MAX: variants seen among roughly 807,000 people sequenced by gnomAD.
MAX encodes the protein MYC associated transcriptional regulator X, also known as protein max.
Under a neutral mutation model 22.3 loss-of-function variants are expected in MAX, and 3 were observed. That is an observed-to-expected ratio of 0.13 (90% confidence interval 0.06 to 0.35). The LOEUF (loss-of-function observed/expected upper bound fraction) is 0.35. Ranked by LOEUF, MAX falls within the 10% of genes least tolerant of loss-of-function variation. The pLI, the probability that MAX is intolerant of heterozygous loss-of-function variation, is 1.00. For synonymous variants in MAX, 72 were observed against 77.7 expected (o/e 0.93, Z 0.39); for missense variants, 119 against 209.4 (o/e 0.57, Z 2.66).
In MAX at chr14:65,047,519, C is replaced by A. The variant is rs557020541; in HGVS notation, c.172-41235G>T. Among the ~76,000 whole-genome samples, 2 of 152,202 alleles carry A rather than the reference C, an allele frequency of 1.3e-5. No individual in the cohort carries two copies. The highest frequency in any genetic ancestry group is 4.8e-5 in the African/African-American group (2 of 41,508). ...TTGGCAGAGATTAAAAAACTTGATA[C>A]CCTATGTTGGGGAGAGTGTGAGAAA... On this transcript the variant is annotated intron_variant, in intron 3 of 3. Coordinates refer to the MAX transcript ENST00000341653. This position sits in a 1 kb window ranked among gnomAD's most constrained non-coding sequence, Gnocchi z 5.2.
rs137940321 is a variant in MAX at position 65,096,671 on chromosome 14, G to T, written c.64-2856C>A. Among the ~76,000 whole-genome samples, 362 of 152,190 alleles carry T rather than the reference G, an allele frequency of 2.4e-3. 1 individual carries two copies. Among genetic ancestry groups the T allele is most frequent in the African/African-American group, 6.9e-3 (288 of 41,498 alleles). On this transcript the variant is annotated intron_variant, in intron 2 of 4. Coordinates refer to ENST00000358664, the MANE Select transcript of MAX (RefSeq NM_002382.5). ...GAAAAACTGGGTGAAGACTCCCAGT[G>T]TAAGGCATCTAATATCCTCCCCCAA...
chr14:65,099,702 A>G (rs202145812), intron 2 of MAX, among the ~76,000 whole-genome samples: 2 of 123,430 alleles, frequency 1.6e-5, no homozygotes, highest in African/African-American at 4.8e-5. Flanking sequence ...ACTTGCAGGG[A>G]AAAAAAAAGT....
intron 3 of MAX, chr14:65,061,244 C>A (rs369004788): frequency 1.6e-5 from 26 of 1,614,070 alleles, no homozygotes; most frequent in Non-Finnish European, 2.2e-5. Context: ...TACATACTTT[C>A]TACAGAAGCC....
intron 3 of MAX, among the ~76,000 whole-genome samples, chr14:65,041,680 G>T (rs1215118520): frequency 6.6e-6 from 1 of 152,160 alleles, no homozygotes; most frequent in African/African-American, 2.4e-5. Context: ...GTTGTACCCT[G>T]TAGACATGTA....
At position 65,054,348 on chromosome 14, in the gene MAX, C is replaced by T. The variant is rs572701377; in HGVS notation, c.171+39360G>A. Among the ~76,000 whole-genome samples, 2 of 151,912 alleles carry T rather than the reference C, an allele frequency of 1.3e-5. No homozygotes were observed. Among genetic ancestry groups the T allele is most frequent in the African/African-American group, 4.8e-5 (2 of 41,470 alleles). ...TTGGTTTTGAACTCCTGGCCTCAAA[C>T]CGTTCTCTTGCCTCAGCCTCCTGCT... On this transcript the variant is annotated intron_variant, in intron 3 of 3. Coordinates refer to the MAX transcript ENST00000341653. The surrounding 1 kb of genome is among the most constrained non-coding windows in gnomAD (Gnocchi z 4.4).
At chr14:65,063,041 G>A (rs1028211312) in intron 3 of MAX, among the ~76,000 whole-genome samples, 2 of 152,238 alleles carry the variant, frequency 1.3e-5, no homozygotes, top group Non-Finnish European at 2.9e-5. Context: ...CTGGAACTCT[G>A]TGGCCACTTG....
intron 3 of MAX, among the ~76,000 whole-genome samples, chr14:65,037,521 A>C (rs2062229425): frequency 7.4e-6 from 1 of 135,190 alleles, no homozygotes; most frequent in Non-Finnish European, 1.5e-5. Flanking sequence ...TGTTGCCTCG[A>C]CTTTCCAGGC....
intron 3 of MAX, among the ~76,000 whole-genome samples, chr14:65,039,143 G>A (rs556107218): frequency 3.1e-4 from 47 of 152,314 alleles, no homozygotes; most frequent in Admixed American, 2.0e-3. Context: ...GGAGCTCTGC[G>A]AGAGTGGGCA....
intron 3 of MAX, among the ~76,000 whole-genome samples, chr14:65,053,512 C>G (rs2062658136): frequency 6.6e-6 from 1 of 152,084 alleles, no homozygotes; most frequent in Non-Finnish European, 1.5e-5. Flanking sequence ...GGGAGCACCC[C>G]TTGAGGCCAT....
In MAX at chr14:65,087,470, C is replaced by T. The variant is rs117575174; in HGVS notation, c.171+6238G>A. On this transcript the variant is annotated intron_variant, in intron 3 of 4. Coordinates refer to ENST00000358664, the MANE Select transcript of MAX (RefSeq NM_002382.5). ...AGCTATGCAAGACCAAAGGAACCCA[C>T]CTTTTGTATCAGCATGACCTCTATG... Among the ~76,000 whole-genome samples, 1,063 of 152,320 alleles carry T rather than the reference C, an allele frequency of 7.0e-3. 80 individuals are homozygous for T. The East Asian group carries it at 0.17, about 24-fold the overall frequency.
intron 3 of MAX, among the ~76,000 whole-genome samples, chr14:65,085,794 C>T (rs975536885): frequency 6.6e-6 from 1 of 152,102 alleles, no homozygotes; most frequent in Admixed American, 6.6e-5. Flanking sequence ...AATATGGAAC[C>T]CCCAAGTCAC....
chr14:65,083,814 C>G (rs759076908), intron 3 of MAX: 33 of 1,124,962 alleles, frequency 2.9e-5, no homozygotes, highest in Non-Finnish European at 3.3e-5. Flanking sequence ...TTTTCTGAAA[C>G]CTGTGTAAGC....
chr14:65,061,646 G>A (rs532482051), intron 3 of MAX: 5 of 231,028 alleles, frequency 2.2e-5, no homozygotes, highest in South Asian at 1.4e-4. Context: ...TGAGTATTAC[G>A]GCATCCAGAG....
chr14:65,077,711 C>T lies in MAX; in HGVS notation c.295+202G>A. The T allele has an allele frequency of 3.2e-6, 5 of 1,577,936 alleles. No individual in the cohort carries two copies. Among genetic ancestry groups the T allele is most frequent in the Non-Finnish European group, 4.3e-6 (5 of 1,163,642 alleles). Reference sequence around the variant, plus strand: ...AGTCTCCAGATGTCCAACTTCCTAGCTTCCACTGTCTCCTCACTGGCGCCT... The same window carrying T: ...AGTCTCCAGATGTCCAACTTCCTAGTTTCCACTGTCTCCTCACTGGCGCCT... On this transcript the variant is annotated intron_variant, in intron 4 of 4. Transcript: ENST00000358664. This position sits in a 1 kb window ranked among gnomAD's most constrained non-coding sequence, Gnocchi z 6.3.
In MAX at chr14:65,012,817, A is replaced by G. The variant is rs1012826215; in HGVS notation, c.172-6533T>C. Among the ~76,000 whole-genome samples, 1 of 152,008 alleles carries G rather than the reference A, an allele frequency of 6.6e-6. No homozygotes were observed. ...TGGTTACAAATTTTCCAACTTCACC[A>G]CTCCTTCTAGTAAGTACATTACTTT... is the stretch of plus-strand genomic sequence containing the variant. On this transcript the variant is annotated intron_variant, in intron 3 of 3. Coordinates refer to the MAX transcript ENST00000341653. The surrounding 1 kb of genome is among the most constrained non-coding windows in gnomAD (Gnocchi z 5.0).
At chr14:65,086,104 A>G (rs920386499) in intron 3 of MAX, among the ~76,000 whole-genome samples, 1 of 152,184 alleles carries the variant, frequency 6.6e-6, no homozygotes, top group African/African-American at 2.4e-5. Flanking sequence ...GCCTGCTGCC[A>G]TCCATGTAAA....
intron 3 of MAX, among the ~76,000 whole-genome samples, chr14:65,058,241 C>T (rs906840347): frequency 6.7e-6 from 1 of 149,656 alleles, no homozygotes; most frequent in Non-Finnish European, 1.5e-5. Flanking sequence ...ATAATTTTTT[C>T]CATAAAGGAC....
intron 3 of MAX, among the ~76,000 whole-genome samples, chr14:65,060,317 G>C (rs2139697685): frequency 6.6e-6 from 1 of 151,890 alleles, no homozygotes; most frequent in South Asian, 2.1e-4. Context: ...GACCAGGTGT[G>C]GTGGCTCACA....
At chr14:65,059,837 CTTTTTT>C (rs34459085) in intron 3 of MAX, among the ~76,000 whole-genome samples, 6 of 134,234 alleles carry the variant, frequency 4.5e-5, no homozygotes, top group African/African-American at 1.7e-4. Flanking sequence ...GTCCTTTTTT[CTTTTTT>C]TTTTTTTTTT....
Sources: allele counts gnomAD v4.1 joint callset (sites outside exome capture counted in the v4.1 genomes callset), GRCh38; gene constraint gnomAD v4.1.1; non-coding constraint Gnocchi (gnomAD v3.1); transcripts MANE v1.5; gene names NCBI Gene and HGNC (gene_info 2026-07-23, HGNC 2026-07-21).